Variants in PDSS2 observed in about 807,000 individuals in gnomAD.
The protein encoded by PDSS2 is all trans-polyprenyl-diphosphate synthase PDSS2.
Under a neutral mutation model 44.5 loss-of-function variants are expected in PDSS2, and 31 were observed. That is an observed-to-expected ratio of 0.70 (90% CI 0.52 to 0.94). The LOEUF is 0.94. Among genes scored for constraint, PDSS2 ranks in the 40% least tolerant of loss-of-function variants. The pLI is 0.00. For synonymous variants in PDSS2, 157 were observed against 180.3 expected (o/e 0.87, Z 1.03); for missense variants, 452 against 482.2 (o/e 0.94, Z 0.59).
At chr6:107,358,656 A>T (rs1778663951) in intron 1 of PDSS2, among the ~76,000 whole-genome samples, 1 of 152,230 alleles carries the variant, frequency 6.6e-6, no homozygotes, top group African/African-American at 2.4e-5. Context: ...GGATAGAATC[A>T]TAATTCTTAA....
At chr6:107,449,764 T>C (rs1781805002) in intron 1 of PDSS2, among the ~76,000 whole-genome samples, 1 of 152,144 alleles carries the variant, frequency 6.6e-6, no homozygotes, top group Admixed American at 6.5e-5. Context: ...AGAGATGGGG[T>C]CTCACTGTGT....
chr6:107,343,070 C>T (rs1001987587), intron 1 of PDSS2, among the ~76,000 whole-genome samples: 2 of 152,142 alleles, frequency 1.3e-5, no homozygotes, highest in African/African-American at 4.8e-5. Flanking sequence ...CTCGCCTTGG[C>T]CTTCCAAAGT....
At chr6:107,242,720 T>TG (rs1213149718) in intron 4 of PDSS2, among the ~76,000 whole-genome samples, 1 of 152,092 alleles carries the variant, frequency 6.6e-6, no homozygotes, top group African/African-American at 2.4e-5. Context: ...TTTGTAAAGA[T>TG]GGGGTCTTCC....
intron 6 of PDSS2, among the ~76,000 whole-genome samples, chr6:107,196,396 C>G (rs891535550): frequency 6.6e-6 from 1 of 152,210 alleles, no homozygotes; most frequent in African/African-American, 2.4e-5. Flanking sequence ...ATCAGCAGCA[C>G]TTTCCCAACA....
At chr6:107,297,293 G>C (rs1449299863) in intron 2 of PDSS2, among the ~76,000 whole-genome samples, 2 of 152,020 alleles carry the variant, frequency 1.3e-5, no homozygotes, top group Non-Finnish European at 2.9e-5. Flanking sequence ...GTGCTCTTAG[G>C]GTACATATAC....
chr6:107,395,759 A>T (rs1779920972), intron 1 of PDSS2, among the ~76,000 whole-genome samples: 1 of 151,978 alleles, frequency 6.6e-6, no homozygotes, highest in Admixed American at 6.6e-5. Flanking sequence ...AATTGGTTTT[A>T]ATTTTGATTT....
chr6:107,274,154 T>C lies in PDSS2; in HGVS notation c.505A>G (p.Asn169Asp). Residue 169 changes from asparagine to aspartate, a missense_variant, in exon 3 of 8, where the codon AAT (asparagine) becomes GAT (aspartate). Coordinates refer to ENST00000369037, the MANE Select transcript of PDSS2 (RefSeq NM_020381.4). ...LLVHRGIVNL[N>D]ELQSSDGPLK... The stretch of plus-strand genomic sequence containing the variant: ...GGACCATCAGATGATTGCAACTCAT[T>C]TAAATTTACTATCCCACGATGTACA... 1 of 1,613,924 alleles carries C rather than the reference T, an allele frequency of 6.2e-7. No homozygotes were observed. The highest frequency in any genetic ancestry group is 8.5e-7 in the Non-Finnish European group (1 of 1,179,774).
chr6:107,352,478 T>C (rs1161149683), intron 1 of PDSS2, among the ~76,000 whole-genome samples: 1 of 152,220 alleles, frequency 6.6e-6, no homozygotes, highest in Non-Finnish European at 1.5e-5. Flanking sequence ...TTTGTTTCAT[T>C]ATGCTGCAAA....
intron 1 of PDSS2, among the ~76,000 whole-genome samples, chr6:107,419,176 T>C (rs1418683501): frequency 3.9e-5 from 6 of 152,180 alleles, no homozygotes; most frequent in Non-Finnish European, 8.8e-5. Context: ...ACTGCTCTAG[T>C]ATAGCAACTC....
At chr6:107,245,418 C>CAAAAA (rs35614951) in intron 4 of PDSS2, 130 bp downstream of exon 4, 2 of 120,350 alleles carry the variant, frequency 1.7e-5, no homozygotes, top group Non-Finnish European at 3.0e-5. Flanking sequence ...AAACACTAAT[C>CAAAAA]AAAAAAAAAA....
intron 1 of PDSS2, 35 bp downstream of exon 1, chr6:107,458,955 A>G (rs1782148430): frequency 2.5e-6 from 4 of 1,603,996 alleles, no homozygotes; most frequent in Non-Finnish European, 3.4e-6. Flanking sequence ...TATTCCAATG[A>G]GTGCGAGTGT....
chr6:107,258,959 C>T (rs1775120741), intron 3 of PDSS2, among the ~76,000 whole-genome samples: 1 of 152,128 alleles, frequency 6.6e-6, no homozygotes, highest in Non-Finnish European at 1.5e-5. Context: ...GTTGGTCTGT[C>T]AGTTTTCTAC....
At chr6:107,249,456 T>C (rs747908971) in intron 3 of PDSS2, among the ~76,000 whole-genome samples, 4 of 152,314 alleles carry the variant, frequency 2.6e-5, no homozygotes, top group Non-Finnish European at 5.9e-5. Context: ...CATCCTGAAA[T>C]ATTGTTTTAG....
chr6:107,211,447 A>C (rs1462647498), intron 5 of PDSS2, among the ~76,000 whole-genome samples: 1 of 152,072 alleles, frequency 6.6e-6, no homozygotes, highest in Non-Finnish European at 1.5e-5. Context: ...AAGAGCTATA[A>C]GGGGCCAGGC....
intron 2 of PDSS2, among the ~76,000 whole-genome samples, chr6:107,318,874 G>C (rs1043506995): frequency 2.6e-5 from 4 of 152,126 alleles, no homozygotes; most frequent in Non-Finnish European, 5.9e-5. Context: ...TGTAATCCCA[G>C]CTACTTGGGA....
In PDSS2 at chr6:107,409,423, G is replaced by A. The variant is rs376378424; in HGVS notation, c.296+49567C>T. ...TAATTAGGGAAATATTGCTGGAAAA[G>A]AGGAGAAAATATTTTGGAAAAAGCT... On this transcript the variant is annotated intron_variant, in intron 1 of 7. Coordinates refer to ENST00000369037, the MANE Select transcript of PDSS2 (RefSeq NM_020381.4). Among the ~76,000 whole-genome samples, 14 of 152,010 alleles carry A rather than the reference G, an allele frequency of 9.2e-5. No homozygotes were observed. The East Asian group carries it at 1.2e-3, about 13-fold the overall frequency.
intron 4 of PDSS2, among the ~76,000 whole-genome samples, chr6:107,223,770 G>A (rs1352022397): frequency 3.5e-5 from 5 of 142,860 alleles, no homozygotes; most frequent in African/African-American, 1.1e-4. Flanking sequence ...CCCCGACCCC[G>A]ACCCACCAAG....
chr6:107,290,144 A>G (rs1776295650), intron 2 of PDSS2, among the ~76,000 whole-genome samples: 2 of 152,214 alleles, frequency 1.3e-5, no homozygotes, highest in African/African-American at 4.8e-5. Flanking sequence ...TTTTGTAAGA[A>G]GTTTATTTCT....
intron 1 of PDSS2, among the ~76,000 whole-genome samples, chr6:107,418,682 G>T (rs548846935): frequency 1.4e-3 from 218 of 152,282 alleles, no homozygotes; most frequent in African/African-American, 5.0e-3. Flanking sequence ...GGCTGAGGCA[G>T]GAGAATCGCT....
Sources: gnomAD v4.1 joint callset for allele counts (sites outside exome capture counted in the v4.1 genomes callset) on GRCh38, gnomAD v4.1.1 for gene constraint, MANE v1.5 for transcripts, NCBI Gene and HGNC (gene_info 2026-07-23, HGNC 2026-07-21) for gene names.